Variants in PEX14 observed in about 807,000 individuals in gnomAD.
PEX14 encodes peroxisomal membrane protein PEX14.
In PEX14, 15 loss-of-function variants were observed where a neutral mutation model predicts 49.5. The ratio of observed to expected loss-of-function variants is 0.30; its 90% confidence interval spans 0.20 to 0.47. The LOEUF is 0.47. PEX14 is among the 20% of genes least tolerant of loss of function. The pLI, the probability that PEX14 is intolerant of heterozygous loss-of-function variation, is 1.00. For missense variants in PEX14, 398 were observed against 494.8 expected, an observed-to-expected ratio of 0.80 and a Z score of 1.86; for synonymous variants, 210 against 212.7, an observed-to-expected ratio of 0.99 and a Z score of 0.11.
chr1:10,490,187 T>G (rs145755677), intron 1 of PEX14, among the ~76,000 whole-genome samples: 1 of 152,338 alleles, frequency 6.6e-6, no homozygotes, highest in Non-Finnish European at 1.5e-5. Flanking sequence ...GCTTGTGTAC[T>G]TTCTGTCATG....
chr1:10,506,714 A>T (rs531264606), intron 2 of PEX14, among the ~76,000 whole-genome samples: 65 of 152,388 alleles, frequency 4.3e-4, no homozygotes, highest in African/African-American at 1.5e-3. Context: ...TTAGAGGAAG[A>T]TCATAAACAT....
chr1:10,620,815 A>G (rs1424114238), intron 5 of PEX14, among the ~76,000 whole-genome samples: 1 of 152,214 alleles, frequency 6.6e-6, no homozygotes, highest in Non-Finnish European at 1.5e-5. Context: ...ATACATAAAT[A>G]AACAGAACAG....
intron 4 of PEX14, among the ~76,000 whole-genome samples, chr1:10,603,324 G>A (rs1039033045): frequency 2.0e-5 from 3 of 152,098 alleles, no homozygotes; most frequent in Admixed American, 2.0e-4. Flanking sequence ...CTTAAGAAAA[G>A]GATAATAATA....
rs142359764 is a variant in PEX14, at chr1:10,485,688, A to G, written c.37-9586A>G. Among the ~76,000 whole-genome samples, 508 of 150,614 alleles carry G rather than the reference A, an allele frequency of 3.4e-3. 21 individuals carry two copies. Among genetic ancestry groups the G allele is most frequent in the African/African-American group, 0.012 (486 of 40,710 alleles). On this transcript the variant is annotated intron_variant, in intron 1 of 8. Transcript: ENST00000356607. ...TATTTTTTAATTATTCAATGCTACTATGTAGAAATAAAATTGAATTTTATA... is the reference window on the plus strand; with the variant it reads ...TATTTTTTAATTATTCAATGCTACTGTGTAGAAATAAAATTGAATTTTATA...
chr1:10,487,106 G>T (rs1641383070), intron 1 of PEX14, among the ~76,000 whole-genome samples: 1 of 152,064 alleles, frequency 6.6e-6, no homozygotes, highest in African/African-American at 2.4e-5. Flanking sequence ...GGTGATTTAT[G>T]TTGATTGATT....
At chr1:10,618,200 C>T in intron 4 of PEX14, 132 bp from the exon 5 acceptor site, 3 of 698,020 alleles carry the variant, frequency 4.3e-6, no homozygotes, top group Admixed American at 4.0e-5. Flanking sequence ...GTGCTGCCTT[C>T]CTGCGTTGGA....
At chr1:10,505,129 T>C (rs1420951930) in intron 2 of PEX14, among the ~76,000 whole-genome samples, 2 of 152,172 alleles carry the variant, frequency 1.3e-5, no homozygotes, top group Admixed American at 6.6e-5. Flanking sequence ...AACTAGCATT[T>C]ACCGACAGTG....
At chr1:10,557,728 C>T (rs547121275) in intron 3 of PEX14, among the ~76,000 whole-genome samples, 6 of 152,340 alleles carry the variant, frequency 3.9e-5, no homozygotes, top group African/African-American at 9.6e-5. Context: ...GCCAGTGCCC[C>T]GAGCACAAGT....
At chr1:10,535,240 A>G (rs902742566) in intron 2 of PEX14, among the ~76,000 whole-genome samples, 2 of 152,186 alleles carry the variant, frequency 1.3e-5, no homozygotes, top group African/African-American at 4.8e-5. Context: ...TCTGGGGTGG[A>G]AAGTAGACAA....
chr1:10,527,136 C>T (rs796300970), intron 2 of PEX14, among the ~76,000 whole-genome samples: 1 of 149,662 alleles, frequency 6.7e-6, no homozygotes, highest in African/African-American at 2.5e-5. Context: ...ATCGCTTGAA[C>T]CCAGGAGGCA....
In PEX14 at chr1:10,575,944, C is replaced by T. The variant is rs79573960; in HGVS notation, c.170-23294C>T. 9.4e-3 allele frequency among the ~76,000 whole-genome samples: 1,431 copies of T among 152,158 alleles called. 27 individuals are homozygous for T. Among genetic ancestry groups the T allele is most frequent in the African/African-American group, 0.033 (1,351 of 41,510 alleles). Reference sequence around the variant, plus strand: ...TTGAGTGTGGTCACTAAAAAATGACCAAGTAGCAACAAAACAGCTTTCTCA... The same window carrying T: ...TTGAGTGTGGTCACTAAAAAATGACTAAGTAGCAACAAAACAGCTTTCTCA... On this transcript the variant is annotated intron_variant, in intron 3 of 8. Coordinates refer to ENST00000356607, the MANE Select transcript of PEX14 (RefSeq NM_004565.3).
intron 3 of PEX14, among the ~76,000 whole-genome samples, chr1:10,593,712 G>A (rs1485378486): frequency 7.2e-5 from 11 of 151,974 alleles, no homozygotes; most frequent in Admixed American, 6.6e-4. Context: ...ATAAGAAAGT[G>A]GGTGGGGGAG....
chr1:10,625,919 T>C (rs1641732450), intron 7 of PEX14, among the ~76,000 whole-genome samples: 1 of 152,170 alleles, frequency 6.6e-6, no homozygotes, highest in East Asian at 1.9e-4. Flanking sequence ...CAGCCTTCTC[T>C]CCCGAGCTGC....
At chr1:10,547,979 G>T (rs1250574877) in intron 3 of PEX14, among the ~76,000 whole-genome samples, 1 of 152,186 alleles carries the variant, frequency 6.6e-6, no homozygotes, top group African/African-American at 2.4e-5. Context: ...ACTTTGGGAG[G>T]CTGAGGCAGG....
Position 10,629,504 on chromosome 1 carries a change from A to G in PEX14, c.678-27A>G. 6.5e-7 allele frequency: 1 copy of G among 1,549,574 alleles called. No homozygotes were observed. Among genetic ancestry groups the G allele is most frequent in the South Asian group, 1.1e-5 (1 of 89,806 alleles). On this transcript the variant is annotated intron_variant, in intron 8 of 8. Transcript: ENST00000356607. This position sits in a 1 kb window ranked among gnomAD's most constrained non-coding sequence, Gnocchi z 8.5. ...GGGGGGCGTCCTGAATGCCGCCACC[A>G]ACCTCCTCCCCTTCTTCTCCCTCTA...
intron 2 of PEX14, among the ~76,000 whole-genome samples, chr1:10,532,910 C>T (rs1341899720): frequency 6.6e-6 from 1 of 152,122 alleles, no homozygotes; most frequent in Non-Finnish European, 1.5e-5. Context: ...AGGCACAAAC[C>T]GAGTGCCCTG....
intron 2 of PEX14, among the ~76,000 whole-genome samples, chr1:10,504,827 AC>A (rs1441862776): frequency 1.4e-5 from 2 of 148,058 alleles, no homozygotes; most frequent in African/African-American, 2.5e-5. Flanking sequence ...CACTCTGTCA[AC>A]CAGGCTGGAG....
intron 2 of PEX14, among the ~76,000 whole-genome samples, chr1:10,521,175 C>T (rs2124454708): frequency 6.6e-6 from 1 of 151,626 alleles, no homozygotes; most frequent in East Asian, 1.9e-4. Context: ...TTTCTATTCT[C>T]TCCTTTTCTT....
chr1:10,623,217 G>C lies in PEX14; in HGVS notation c.487+96G>C. The C allele has an allele frequency of 1.3e-6, 1 of 784,006 alleles. No individual in the cohort carries two copies. The highest frequency in any genetic ancestry group is 2.6e-5 in the East Asian group (1 of 38,220). 48.6% of individuals were successfully genotyped at this position (784,006 alleles called of 1,614,324 possible). A position where few individuals can be genotyped will look rare whatever the true frequency, so the allele number is the denominator to read the frequency against. On this transcript the variant is annotated intron_variant, in intron 6 of 8. Coordinates refer to ENST00000356607, the MANE Select transcript of PEX14 (RefSeq NM_004565.3). This position sits in a 1 kb window ranked among gnomAD's most constrained non-coding sequence, Gnocchi z 4.4. ...CTCTCCCTCTGTCTCCACTCTATGT[G>C]GTGACTTCATTTATCTGCTCTGAGA...
Sources: gnomAD v4.1 joint callset for allele counts (sites outside exome capture counted in the v4.1 genomes callset) on GRCh38, gnomAD v4.1.1 for gene constraint, Gnocchi (gnomAD v3.1) non-coding constraint, MANE v1.5 for transcripts, NCBI Gene and HGNC (gene_info 2026-07-23, HGNC 2026-07-21) for gene names.